Variants in L3MBTL3 observed in about 807,000 individuals in gnomAD.
L3MBTL3 encodes the protein L3MBTL histone methyl-lysine binding protein 3, also known as lethal(3)malignant brain tumor-like protein 3.
In L3MBTL3, 27 loss-of-function variants were observed where a neutral mutation model predicts 102.3. The ratio of observed to expected loss-of-function variants is 0.26; its 90% CI spans 0.19 to 0.36. L3MBTL3 has a LOEUF of 0.36. Ranked by LOEUF, L3MBTL3 falls within the 10% of genes least tolerant of loss-of-function variation. The pLI is 1.00. For synonymous variants in L3MBTL3, 340 were observed against 320.9 expected (o/e 1.06, Z -0.64); for missense variants, 798 against 955.3 (o/e 0.84, Z 2.17).
At chr6:130,139,219 T>TTG (rs1788052099) in intron 22 of L3MBTL3, among the ~76,000 whole-genome samples, 2 of 152,202 alleles carry the variant, frequency 1.3e-5, no homozygotes, top group Non-Finnish European at 2.9e-5. Flanking sequence ...GCCTGAGTTA[T>TTG]TTTATGTCCA....
At chr6:130,058,724 G>C (rs1031379955) in intron 9 of L3MBTL3, among the ~76,000 whole-genome samples, 6 of 152,184 alleles carry the variant, frequency 3.9e-5, no homozygotes, top group African/African-American at 1.4e-4. Context: ...CACAAAAGCA[G>C]CCATAGAGAA....
chr6:130,097,485 TG>T (rs1303574078), intron 18 of L3MBTL3, among the ~76,000 whole-genome samples: 2 of 152,244 alleles, frequency 1.3e-5, no homozygotes, highest in Non-Finnish European at 2.9e-5. Flanking sequence ...TTACAGTGTT[TG>T]AATTTGATCT....
Position 130,139,709 on chromosome 6 carries a change from C to T in L3MBTL3, c.2299C>T (p.Leu767=), listed in dbSNP as rs918061190. The change falls in exon 23 of 23, where the codon CTG becomes TTG. Residue 767 remains leucine (L), a synonymous_variant. Transcript: ENST00000361794. ...GPALKIFNSI[L]MFKAAEKNSH... ...TGCTCTCAAAATTTTCAATTCCATC[C>T]TGATGTTCAAAGCTGCAGAGAAGAA... 1.9e-6 allele frequency: 3 copies of T among 1,613,064 alleles called. No individual in the cohort carries two copies. The African/African-American group carries it at 4.0e-5, about 22-fold the overall frequency.
At chr6:130,028,026 T>C (rs1317927138) in intron 2 of L3MBTL3, among the ~76,000 whole-genome samples, 1 of 152,000 alleles carries the variant, frequency 6.6e-6, no homozygotes, top group East Asian at 1.9e-4. Flanking sequence ...CTATTAAATA[T>C]GCCATAGGCC....
At chr6:130,050,299 C>T (rs1781015356) in intron 5 of L3MBTL3, among the ~76,000 whole-genome samples, 1 of 152,226 alleles carries the variant, frequency 6.6e-6, no homozygotes, top group Non-Finnish European at 1.5e-5. Flanking sequence ...TCTCCTCAGT[C>T]TCTGTTTCCT....
At chr6:130,108,231 G>GTTTTTTTTT (rs869221525) in intron 19 of L3MBTL3, among the ~76,000 whole-genome samples, 6 of 91,044 alleles carry the variant, frequency 6.6e-5, no homozygotes, top group East Asian at 3.9e-4. Context: ...TTTTTTTTTT[G>GTTTTTTTTT]TTTTTTTTTT....
chr6:130,092,400 A>G (rs1201533920), intron 16 of L3MBTL3, among the ~76,000 whole-genome samples: 2 of 150,248 alleles, frequency 1.3e-5, no homozygotes, highest in African/African-American at 4.9e-5. Flanking sequence ...CTCCTTCTGC[A>G]TATTTATTGG....
In L3MBTL3 at chr6:130,051,420, C is replaced by G. The variant is rs1438238083; in HGVS notation, c.449+12C>G. The G allele has an allele frequency of 1.2e-6, 2 of 1,605,886 alleles. No homozygotes were observed. Among genetic ancestry groups the G allele is most frequent in the Non-Finnish European group, 1.7e-6 (2 of 1,174,186 alleles). On this transcript the variant is annotated intron_variant, in intron 6 of 22. Transcript: ENST00000361794. Reference sequence around the variant, plus strand: ...CACATCAAAGATAAGTAGGTTTTTGCCCCATTCCATCTATAAATTGAGTTT... The same window carrying G: ...CACATCAAAGATAAGTAGGTTTTTGGCCCATTCCATCTATAAATTGAGTTT...
chr6:130,125,766 A>G (rs1199065487), intron 20 of L3MBTL3, among the ~76,000 whole-genome samples: 1 of 152,100 alleles, frequency 6.6e-6, no homozygotes, highest in Non-Finnish European at 1.5e-5. Flanking sequence ...TGCCCCTTGC[A>G]GTGTGGGTAG....
At chr6:130,108,876 GC>G in intron 19 of L3MBTL3, among the ~76,000 whole-genome samples, 1 of 152,006 alleles carries the variant, frequency 6.6e-6, no homozygotes, top group East Asian at 1.9e-4. Flanking sequence ...CCGCTGACAG[GC>G]CCCCGTGTGT....
intron 7 of L3MBTL3, among the ~76,000 whole-genome samples, chr6:130,054,091 C>G (rs546884756): frequency 6.6e-6 from 1 of 152,312 alleles, no homozygotes; most frequent in Non-Finnish European, 1.5e-5. Flanking sequence ...ACAGTGTGAT[C>G]TGATGAATGA....
At chr6:130,069,620 C>G (rs1261960371) in intron 12 of L3MBTL3, among the ~76,000 whole-genome samples, 1 of 152,188 alleles carries the variant, frequency 6.6e-6, no homozygotes, top group African/African-American at 2.4e-5. Context: ...TCTGTCAAAA[C>G]TTATCCCAGG....
chr6:130,116,929 T>A (rs1481718479), intron 19 of L3MBTL3, among the ~76,000 whole-genome samples: 1 of 148,932 alleles, frequency 6.7e-6, no homozygotes, highest in Non-Finnish European at 1.5e-5. Flanking sequence ...TTATTTTTTT[T>A]ATTTTTTTTT....
chr6:130,019,711 C>A (rs887796323), intron 1 of L3MBTL3, among the ~76,000 whole-genome samples: 2 of 151,428 alleles, frequency 1.3e-5, no homozygotes, highest in Admixed American at 6.6e-5. Context: ...TCTTCCCAAC[C>A]GAGTGTGTGA....
chr6:130,078,696 C>A, intron 14 of L3MBTL3, 62 bp downstream of exon 14: 3 of 1,078,438 alleles, frequency 2.8e-6, no homozygotes, highest in Non-Finnish European at 4.2e-6. Flanking sequence ...CAGACTTTTT[C>A]TGTAAAGGGC....
At chr6:130,077,708 C>A (rs1783044936) in intron 13 of L3MBTL3, among the ~76,000 whole-genome samples, 1 of 152,208 alleles carries the variant, frequency 6.6e-6, no homozygotes, top group Non-Finnish European at 1.5e-5. Context: ...TCCAGCCACA[C>A]TGTTACCTTC....
At chr6:130,027,568 G>A (rs146997985) in intron 2 of L3MBTL3, among the ~76,000 whole-genome samples, 1 of 152,202 alleles carries the variant, frequency 6.6e-6, no homozygotes, top group African/African-American at 2.4e-5. Flanking sequence ...TTGATAAGGA[G>A]GTTGGCTACA....
At position 130,077,386 on chromosome 6, in the gene L3MBTL3, A is replaced by C. The variant is rs542000047; in HGVS notation, c.1245-1172A>C. On this transcript the variant is annotated intron_variant, in intron 13 of 22. Transcript: ENST00000361794. ...AGCATGAACTTGGCATTGACCTAGC[A>C]GTGCTTGGTTTTTTTTCATATTCCT... 1.4e-4 allele frequency among the ~76,000 whole-genome samples: 21 copies of C among 152,324 alleles called. No homozygotes were observed. In the South Asian group the frequency reaches 4.1e-3, roughly 30 times the overall value.
intron 20 of L3MBTL3, among the ~76,000 whole-genome samples, chr6:130,121,742 T>A (rs979081897): frequency 6.6e-6 from 1 of 152,176 alleles, no homozygotes; most frequent in Non-Finnish European, 1.5e-5. Context: ...CCTTGAACAA[T>A]GTTTTAAGTT....
Sources: gnomAD v4.1 joint callset for allele counts (sites outside exome capture counted in the v4.1 genomes callset) on GRCh38, gnomAD v4.1.1 for gene constraint, MANE v1.5 for transcripts, NCBI Gene and HGNC (gene_info 2026-07-23, HGNC 2026-07-21) for gene names.